Variants in RUNDC3B observed in about 807,000 individuals in gnomAD.
The protein encoded by RUNDC3B is RUN domain-containing protein 3B.
Under a neutral mutation model 58.4 loss-of-function variants are expected in RUNDC3B, and 33 were observed. The ratio of observed to expected loss-of-function variants is 0.56; its 90% CI spans 0.43 to 0.75. The LOEUF (loss-of-function observed/expected upper bound fraction) is 0.75. RUNDC3B is among the 30% of genes least tolerant of loss of function. RUNDC3B has a pLI of 0.00. For missense variants in RUNDC3B, 501 were observed against 535.7 expected (o/e 0.94, Z 0.64); for synonymous variants, 193 against 195.2 (o/e 0.99, Z 0.10).
At chr7:87,779,284 G>A (rs949352730) in intron 8 of RUNDC3B, among the ~76,000 whole-genome samples, 10 of 152,118 alleles carry the variant, frequency 6.6e-5, no homozygotes, top group African/African-American at 2.4e-4. Context: ...GCATGTGGTT[G>A]TCAGCCACTT....
chr7:87,674,771 G>A (rs1052216429), intron 2 of RUNDC3B, among the ~76,000 whole-genome samples: 2 of 152,166 alleles, frequency 1.3e-5, no homozygotes, highest in African/African-American at 4.8e-5. Context: ...GGCATGGTAG[G>A]CTGGAGCCCA....
intron 2 of RUNDC3B, among the ~76,000 whole-genome samples, chr7:87,669,895 C>G (rs1042776153): frequency 6.6e-6 from 1 of 152,128 alleles, no homozygotes; most frequent in Non-Finnish European, 1.5e-5. Context: ...CTCTAGCTGC[C>G]TTTAAAAGTC....
At chr7:87,750,077 G>C (rs1394140379) in intron 6 of RUNDC3B, among the ~76,000 whole-genome samples, 5 of 150,908 alleles carry the variant, frequency 3.3e-5, no homozygotes, top group African/African-American at 1.2e-4. Flanking sequence ...CCCTTCCTGT[G>C]TCCATGTGTT....
At chr7:87,740,705 T>C (rs1832267738) in intron 5 of RUNDC3B, among the ~76,000 whole-genome samples, 1 of 152,228 alleles carries the variant, frequency 6.6e-6, no homozygotes, top group Non-Finnish European at 1.5e-5. Context: ...TTTCTAAATA[T>C]TTGTCACTTG....
At chr7:87,816,319 G>T in intron 10 of RUNDC3B, 57 bp downstream of exon 10, 1 of 1,401,454 alleles carries the variant, frequency 7.1e-7, no homozygotes, top group South Asian at 1.3e-5. Flanking sequence ...TCTATATTTT[G>T]GTTGCAGATG....
At chr7:87,738,139 A>G (rs1832094650) in intron 4 of RUNDC3B, among the ~76,000 whole-genome samples, 1 of 152,086 alleles carries the variant, frequency 6.6e-6, no homozygotes, top group Non-Finnish European at 1.5e-5. Flanking sequence ...GGCAGTATCA[A>G]AAAAACAAGA....
intron 1 of RUNDC3B, among the ~76,000 whole-genome samples, chr7:87,630,688 CT>C (rs771607643): frequency 0.039 from 5,516 of 142,066 alleles, 153 homozygotes; most frequent in African/African-American, 0.077. Flanking sequence ...TTTGCTTAGT[CT>C]TTTTTTTTTT....
intron 8 of RUNDC3B, among the ~76,000 whole-genome samples, chr7:87,805,078 G>A (rs1202645039): frequency 6.6e-6 from 1 of 152,118 alleles, no homozygotes; most frequent in East Asian, 1.9e-4. Context: ...TGGATAAATA[G>A]GCTTAGAAAG....
chr7:87,750,501 T>G (rs1249213067), intron 6 of RUNDC3B, among the ~76,000 whole-genome samples: 1 of 152,128 alleles, frequency 6.6e-6, no homozygotes, highest in Admixed American at 6.5e-5. Context: ...ACCAACAGTG[T>G]AAAAGTGTTC....
chr7:87,819,112 G>C (rs547645725), intron 10 of RUNDC3B, among the ~76,000 whole-genome samples: 1 of 152,120 alleles, frequency 6.6e-6, no homozygotes, highest in African/African-American at 2.4e-5. Context: ...AGCTGCTTAC[G>C]GGCTCTCTGC....
chr7:87,657,167 A>C (rs1169836923), intron 2 of RUNDC3B, among the ~76,000 whole-genome samples: 2 of 152,200 alleles, frequency 1.3e-5, no homozygotes, highest in East Asian at 3.9e-4. Flanking sequence ...GGTTAAGGAC[A>C]CTAGAACCTT....
At chr7:87,822,155 T>A (rs1283129007) in intron 10 of RUNDC3B, among the ~76,000 whole-genome samples, 17 of 152,144 alleles carry the variant, frequency 1.1e-4, no homozygotes, top group Non-Finnish European at 1.9e-4. Flanking sequence ...GACAAAGGAC[T>A]AATATCCAGA....
At chr7:87,753,459 A>C (rs1833153814) in intron 6 of RUNDC3B, among the ~76,000 whole-genome samples, 1 of 152,058 alleles carries the variant, frequency 6.6e-6, no homozygotes, top group African/African-American at 2.4e-5. Flanking sequence ...GATCTGTCTA[A>C]TGTTGACAGT....
intron 2 of RUNDC3B, among the ~76,000 whole-genome samples, chr7:87,683,215 A>T (rs1827103300): frequency 6.6e-6 from 1 of 152,200 alleles, no homozygotes; most frequent in Non-Finnish European, 1.5e-5. Flanking sequence ...GCTTAAGAGA[A>T]TGTTGTGGCT....
rs552874555 is a variant in RUNDC3B, at chr7:87,769,088, C to T, written c.630-1493C>T. ...CAATCTCAGCTTACTGCAACCTCTACCTCCTGGGTTCAAATGATTCTTATG... is the reference window on the plus strand; with the variant it reads ...CAATCTCAGCTTACTGCAACCTCTATCTCCTGGGTTCAAATGATTCTTATG... On this transcript the variant is annotated intron_variant, in intron 6 of 10. Transcript: ENST00000394654. 2.8e-4 allele frequency among the ~76,000 whole-genome samples: 42 copies of T among 152,232 alleles called. 1 individual carries two copies. In the South Asian group the frequency reaches 8.3e-3, roughly 30 times the overall value.
chr7:87,699,577 T>C (rs916893399), intron 2 of RUNDC3B, among the ~76,000 whole-genome samples: 8 of 152,288 alleles, frequency 5.3e-5, no homozygotes, highest in Admixed American at 1.3e-4. Flanking sequence ...AGCTAGTTTT[T>C]GTATTTTTAG....
intron 10 of RUNDC3B, among the ~76,000 whole-genome samples, chr7:87,822,768 C>G (rs2130966148): frequency 6.6e-6 from 1 of 152,236 alleles, no homozygotes. Context: ...AACCATCATT[C>G]TCAGCAAACT....
At chr7:87,757,551 T>C (rs972274656) in intron 6 of RUNDC3B, among the ~76,000 whole-genome samples, 2 of 152,120 alleles carry the variant, frequency 1.3e-5, no homozygotes, top group Admixed American at 1.3e-4. Context: ...GGAAGGATAT[T>C]TCATTTTCAT....
intron 2 of RUNDC3B, among the ~76,000 whole-genome samples, chr7:87,658,370 T>C (rs1312479731): frequency 6.6e-6 from 1 of 152,138 alleles, no homozygotes. Flanking sequence ...AAATTAGACT[T>C]GTTAAAAAAT....
Sources: gnomAD v4.1 joint callset for allele counts (sites outside exome capture counted in the v4.1 genomes callset) on GRCh38, gnomAD v4.1.1 for gene constraint, MANE v1.5 for transcripts, NCBI Gene and HGNC (gene_info 2026-07-23, HGNC 2026-07-21) for gene names.